FBXW11: variants seen among roughly 807,000 people sequenced by gnomAD.
The protein encoded by FBXW11 is F-box/WD repeat-containing protein 11.
FBXW11 carries 19 observed loss-of-function variants against 77.6 expected under a neutral mutation model. The ratio of observed to expected loss-of-function variants is 0.24; its 90% CI spans 0.17 to 0.36. The LOEUF is 0.36. Ranked by LOEUF, FBXW11 falls within the 10% of genes least tolerant of loss-of-function variation. FBXW11 has a pLI of 1.00. For synonymous variants in FBXW11, 235 were observed against 249.4 expected (o/e 0.94, Z 0.54); for missense variants, 334 against 704.2 (o/e 0.47, Z 5.95).
chr5:171,954,829 A>G (rs1442615995), intron 2 of FBXW11, among the ~76,000 whole-genome samples: 1 of 152,210 alleles, frequency 6.6e-6, no homozygotes, highest in Non-Finnish European at 1.5e-5. Flanking sequence ...AACAAACCAT[A>G]TACCAGGTGT....
chr5:171,940,830 T>C (rs1416349927), intron 2 of FBXW11, among the ~76,000 whole-genome samples: 1 of 150,584 alleles, frequency 6.6e-6, no homozygotes, highest in African/African-American at 2.5e-5. Context: ...GAGGTTGCAG[T>C]GAGCCGAGAT....
chr5:171,972,597 T>G (rs1581053544), intron 1 of FBXW11, among the ~76,000 whole-genome samples: 2 of 144,368 alleles, frequency 1.4e-5, no homozygotes, highest in African/African-American at 2.6e-5. Flanking sequence ...CAGGCTGGAG[T>G]GCAATGACGC....
intron 2 of FBXW11, among the ~76,000 whole-genome samples, chr5:171,948,438 T>TA (rs946360886): frequency 1.3e-4 from 19 of 149,000 alleles, no homozygotes; most frequent in African/African-American, 2.7e-4. Flanking sequence ...TCTCTGCCAT[T>TA]AAAAAAAAAG....
chr5:171,953,903 C>CTA (rs949669905), intron 2 of FBXW11, among the ~76,000 whole-genome samples: 2 of 152,102 alleles, frequency 1.3e-5, no homozygotes, highest in African/African-American at 4.8e-5. Context: ...CTGTGGCTCA[C>CTA]TACACCTATT....
rs570628065 is a variant in FBXW11 at position 171,880,713 on chromosome 5, T to C, written c.853-2584A>G. On this transcript the variant is annotated intron_variant, in intron 7 of 13. Coordinates refer to ENST00000517395, the MANE Select transcript of FBXW11 (RefSeq NM_001378974.1). ...GCTAATATAAATGTTATTGTGTTTTTTGAGATGGAGTCTCACTCTGTCACC... is the reference window on the plus strand; with the variant it reads ...GCTAATATAAATGTTATTGTGTTTTCTGAGATGGAGTCTCACTCTGTCACC... Among the ~76,000 whole-genome samples, 15 of 152,352 alleles carry C rather than the reference T, an allele frequency of 9.8e-5. No homozygotes were observed. In the East Asian group the frequency reaches 2.5e-3, roughly 25 times the overall value.
At chr5:171,953,505 C>T (rs1763458309) in intron 2 of FBXW11, among the ~76,000 whole-genome samples, 1 of 152,158 alleles carries the variant, frequency 6.6e-6, no homozygotes, top group African/African-American at 2.4e-5. Context: ...TGAACAAAAA[C>T]AGCCTTATCA....
intron 4 of FBXW11, among the ~76,000 whole-genome samples, chr5:171,903,133 A>G (rs796869587): frequency 2.1e-4 from 32 of 152,282 alleles, no homozygotes; most frequent in African/African-American, 6.7e-4. Flanking sequence ...GACTCACTCT[A>G]TCACCCAAGT....
At chr5:171,898,725 G>A (rs989828224) in intron 6 of FBXW11, among the ~76,000 whole-genome samples, 1 of 152,082 alleles carries the variant, frequency 6.6e-6, no homozygotes, top group African/African-American at 2.4e-5. Context: ...TATCAGCTTA[G>A]AATAAAAAGA....
chr5:171,901,441 A>G (rs755422272), intron 4 of FBXW11, among the ~76,000 whole-genome samples: 13 of 152,172 alleles, frequency 8.5e-5, no homozygotes, highest in Non-Finnish European at 1.8e-4. Flanking sequence ...TTTACAAACT[A>G]AAGTTCCTTC....
At chr5:171,902,047 C>T (rs1760156345) in intron 4 of FBXW11, among the ~76,000 whole-genome samples, 1 of 152,142 alleles carries the variant, frequency 6.6e-6, no homozygotes, top group Admixed American at 6.5e-5. Flanking sequence ...GCACTGATGC[C>T]GCATCAATAT....
At chr5:171,979,526 G>A (rs1264005634) in intron 1 of FBXW11, among the ~76,000 whole-genome samples, 1 of 151,462 alleles carries the variant, frequency 6.6e-6, no homozygotes. Context: ...AATGTGAATT[G>A]CTTCTGTAAA....
chr5:171,882,774 TTTC>T (rs1158706824), intron 7 of FBXW11, among the ~76,000 whole-genome samples: 2 of 152,156 alleles, frequency 1.3e-5, no homozygotes, highest in Non-Finnish European at 2.9e-5. Context: ...ATTTCTAGCC[TTTC>T]TTTTTTTATT....
At chr5:171,910,472 C>G in intron 4 of FBXW11, 100 bp downstream of exon 4, 2 of 704,030 alleles carry the variant, frequency 2.8e-6, no homozygotes, top group Admixed American at 6.3e-5. Context: ...GAAATGCTGC[C>G]TCACACAGTA....
chr5:171,869,887 T>A lies in FBXW11; in HGVS notation c.1452-80A>T. On this transcript the variant is annotated intron_variant, in intron 11 of 13. Coordinates refer to ENST00000517395, the MANE Select transcript of FBXW11 (RefSeq NM_001378974.1). The surrounding 1 kb of genome is among the most constrained non-coding windows in gnomAD (Gnocchi z 4.1). ...CAAACATTTCCTTGAAAAAAAGTAG[T>A]GCATCTGAACTGCCTATTTATAAAA... 4 of 905,698 alleles carry A rather than the reference T, an allele frequency of 4.4e-6. No homozygotes were observed. The East Asian group carries it at 1.2e-4, about 26-fold the overall frequency. The allele number at this position is 905,698 out of a possible 1,614,324, so 56.1% of individuals were successfully genotyped here.
chr5:171,914,996 CTTT>C (rs1761134735), intron 2 of FBXW11, among the ~76,000 whole-genome samples: 1 of 152,172 alleles, frequency 6.6e-6, no homozygotes, highest in South Asian at 2.1e-4. Context: ...AATGCATTAG[CTTT>C]TGATTTTTGT....
At chr5:171,935,881 C>T (rs1049121105) in intron 2 of FBXW11, among the ~76,000 whole-genome samples, 6 of 151,842 alleles carry the variant, frequency 4.0e-5, no homozygotes, top group Non-Finnish European at 4.4e-5. Context: ...GAGGCCAAGG[C>T]GGGCTGATCA....
At chr5:171,957,542 C>T in intron 2 of FBXW11, 55 bp downstream of exon 2, 1 of 1,450,040 alleles carries the variant, frequency 6.9e-7, no homozygotes, top group Non-Finnish European at 9.7e-7. Context: ...CAAGTTTCAA[C>T]AAATGTTCAT....
chr5:171,868,248 A>G (rs527443517), intron 13 of FBXW11: 1 of 153,166 alleles, frequency 6.5e-6, no homozygotes, highest in South Asian at 2.1e-4. Flanking sequence ...TTTTAATAAA[A>G]GAACTGAAGG....
chr5:171,897,426 T>C (rs1018770258), intron 6 of FBXW11, among the ~76,000 whole-genome samples: 5 of 152,170 alleles, frequency 3.3e-5, no homozygotes, highest in African/African-American at 1.2e-4. Flanking sequence ...GTAGAGGCTG[T>C]GTCGCACAGG....
Sources: gnomAD v4.1 joint callset for allele counts (sites outside exome capture counted in the v4.1 genomes callset) on GRCh38, gnomAD v4.1.1 for gene constraint, Gnocchi (gnomAD v3.1) non-coding constraint, MANE v1.5 for transcripts, NCBI Gene and HGNC (gene_info 2026-07-23, HGNC 2026-07-21) for gene names.